Variants in NEDD4L observed in about 807,000 individuals in gnomAD.
The protein encoded by NEDD4L is E3 ubiquitin-protein ligase NEDD4-like.
In NEDD4L, 54 loss-of-function variants were observed where a neutral mutation model predicts 148.9. The observed-to-expected ratio is 0.36, with a 90% CI of 0.29 to 0.45. NEDD4L has a LOEUF of 0.45. Among genes scored for constraint, NEDD4L ranks in the 20% least tolerant of loss-of-function variants. The probability of loss-of-function intolerance (pLI) is 1.00; values close to 1 mark genes in which losing one functional copy is unlikely to be tolerated. For synonymous variants in NEDD4L, 433 were observed against 440.7 expected, an observed-to-expected ratio of 0.98 and a Z score of 0.22; for missense variants, 856 against 1,233.8, an observed-to-expected ratio of 0.69 and a Z score of 4.59.
rs568712106 is a variant in NEDD4L at position 58,149,800 on chromosome 18, T to A, written c.49-15988T>A. 2.0e-5 allele frequency among the ~76,000 whole-genome samples: 3 copies of A among 152,326 alleles called. No homozygotes were observed. In the East Asian group the frequency reaches 5.8e-4, roughly 29 times the overall value. ...CCTGATTGGTTTTCCTAAGTGGAGA[T>A]ACAGCTTTGGGAAACAAATTAAGAA... On this transcript the variant is annotated intron_variant, in intron 1 of 30. Transcript: ENST00000400345.
chr18:58,141,512 A>G (rs1341130739), intron 1 of NEDD4L, among the ~76,000 whole-genome samples: 1 of 152,064 alleles, frequency 6.6e-6, no homozygotes, highest in Non-Finnish European at 1.5e-5. Flanking sequence ...AAAAAACTTT[A>G]TGTGTTGATG....
intron 1 of NEDD4L, among the ~76,000 whole-genome samples, chr18:58,115,184 G>GGTAT (rs1321444963): frequency 5.3e-5 from 8 of 150,598 alleles, no homozygotes; most frequent in Non-Finnish European, 8.9e-5. Flanking sequence ...GACTCCTATT[G>GGTAT]GTATTTGCCT....
Position 58,176,784 on chromosome 18 carries a change from G to A in NEDD4L, c.122+10923G>A, listed in dbSNP as rs78230427. 5.6e-3 allele frequency among the ~76,000 whole-genome samples: 848 copies of A among 152,320 alleles called. 13 individuals are homozygous for A. The highest frequency in any genetic ancestry group is 0.019 in the African/African-American group (799 of 41,566). ...CTGCTTTACCAAATGTTTTGACAGA[G>A]TGGAAGGAAAACTACAAGACTTCTT... On this transcript the variant is annotated intron_variant, in intron 2 of 30. Coordinates refer to ENST00000400345, the MANE Select transcript of NEDD4L (RefSeq NM_001144967.3).
intron 12 of NEDD4L, among the ~76,000 whole-genome samples, chr18:58,334,942 T>G (rs112738046): frequency 0.017 from 2,657 of 152,252 alleles, 38 homozygotes; most frequent in Middle Eastern, 0.051. Context: ...AACAAAATAA[T>G]CAACTGAGAT....
chr18:58,098,372 C>T (rs781492794), intron 1 of NEDD4L, among the ~76,000 whole-genome samples: 12 of 152,152 alleles, frequency 7.9e-5, no homozygotes, highest in Non-Finnish European at 1.5e-4. Flanking sequence ...TAATAAGGCC[C>T]GTCTGTTCCT....
chr18:58,274,508 C>G (rs1404954804), intron 5 of NEDD4L, among the ~76,000 whole-genome samples: 1 of 152,210 alleles, frequency 6.6e-6, no homozygotes, highest in East Asian at 1.9e-4. Context: ...GCTTAGACAG[C>G]TGATAAACAG....
chr18:58,303,577 T>C (rs2056745193), intron 5 of NEDD4L, among the ~76,000 whole-genome samples: 1 of 152,218 alleles, frequency 6.6e-6, no homozygotes, highest in African/African-American at 2.4e-5. Context: ...GGCAGCCACA[T>C]AGTGAACTAT....
At chr18:58,187,708 G>T (rs570752650) in intron 2 of NEDD4L, among the ~76,000 whole-genome samples, 2 of 152,044 alleles carry the variant, frequency 1.3e-5, no homozygotes, top group Admixed American at 6.6e-5. Context: ...ATTCAAAGAC[G>T]ATTAAATGCA....
In NEDD4L at chr18:58,201,730, A is replaced by T. The variant is rs566036750; in HGVS notation, c.122+35869A>T. ...TTTGTTCTGGGATTATCCCTCCTCC[A>T]TTGCCCTTTTTGGAAAGAGTATGGA... On this transcript the variant is annotated intron_variant, in intron 2 of 30. Transcript: ENST00000400345. Among the ~76,000 whole-genome samples, 3 of 152,198 alleles carry T rather than the reference A, an allele frequency of 2.0e-5. No homozygotes were observed. In the South Asian group the frequency reaches 6.2e-4, roughly 32 times the overall value.
intron 1 of NEDD4L, chr18:58,045,105 C>T: frequency 2.5e-6 from 1 of 399,692 alleles, no homozygotes; most frequent in Non-Finnish European, 4.4e-6. Flanking sequence ...ACGTCTGGGT[C>T]GCGCGGCTGG....
intron 5 of NEDD4L, among the ~76,000 whole-genome samples, chr18:58,277,480 G>C (rs1182358524): frequency 6.6e-6 from 1 of 151,980 alleles, no homozygotes; most frequent in Non-Finnish European, 1.5e-5. Flanking sequence ...GCATGTGGTA[G>C]ATCTTGACTT....
intron 1 of NEDD4L, among the ~76,000 whole-genome samples, chr18:58,125,169 G>T (rs1265964928): frequency 6.6e-6 from 1 of 152,256 alleles, no homozygotes. Context: ...AGATTGTGGG[G>T]ATTAGAGGTG....
chr18:58,370,180 C>G (rs2046662632), intron 22 of NEDD4L, among the ~76,000 whole-genome samples: 1 of 152,168 alleles, frequency 6.6e-6, no homozygotes, highest in South Asian at 2.1e-4. Context: ...CCTTTCTGGC[C>G]CCACTCTGCT....
At chr18:58,241,918 G>C (rs1275206314) in intron 2 of NEDD4L, among the ~76,000 whole-genome samples, 1 of 152,018 alleles carries the variant, frequency 6.6e-6, no homozygotes, top group Non-Finnish European at 1.5e-5. Flanking sequence ...TAATCTACAT[G>C]TTCTTGCGTA....
intron 1 of NEDD4L, among the ~76,000 whole-genome samples, chr18:58,098,481 G>T (rs897281966): frequency 2.0e-5 from 3 of 152,158 alleles, no homozygotes; most frequent in Non-Finnish European, 4.4e-5. Flanking sequence ...AGTGGTTAGA[G>T]GTGTGAATTC....
At chr18:58,092,534 G>A (rs1166430517) in intron 1 of NEDD4L, among the ~76,000 whole-genome samples, 1 of 152,044 alleles carries the variant, frequency 6.6e-6, no homozygotes, top group Non-Finnish European at 1.5e-5. Context: ...CTTTGATTTG[G>A]GAGGTACGAA....
chr18:58,128,929 T>C (rs959580746), intron 1 of NEDD4L, among the ~76,000 whole-genome samples: 5 of 152,302 alleles, frequency 3.3e-5, no homozygotes, highest in Non-Finnish European at 2.9e-5. Context: ...TCAAATACAG[T>C]GCGGTTAGTT....
chr18:58,331,941 G>A (rs1177738650), intron 11 of NEDD4L, among the ~76,000 whole-genome samples: 1 of 152,174 alleles, frequency 6.6e-6, no homozygotes, highest in African/African-American at 2.4e-5. Flanking sequence ...GAAATTCTGT[G>A]ACTTTTTCAA....
intron 1 of NEDD4L, among the ~76,000 whole-genome samples, chr18:58,082,446 C>G (rs1296289169): frequency 6.6e-6 from 1 of 151,328 alleles, no homozygotes; most frequent in Non-Finnish European, 1.5e-5. Flanking sequence ...TGTATGCTGC[C>G]TCTTAAATCT....
Sources: gnomAD v4.1 joint callset for allele counts (sites outside exome capture counted in the v4.1 genomes callset) on GRCh38, gnomAD v4.1.1 for gene constraint, MANE v1.5 for transcripts, NCBI Gene and HGNC (gene_info 2026-07-23, HGNC 2026-07-21) for gene names.